The following KCNH1 variants were observed in gnomAD, a reference collection of about 807,000 sequenced individuals.
KCNH1 encodes voltage-gated delayed rectifier potassium channel KCNH1.
In KCNH1, 27 loss-of-function variants were observed where a neutral mutation model predicts 69.2. That is an observed-to-expected ratio of 0.39 (90% confidence interval 0.29 to 0.54). The LOEUF is 0.54. Ranked by LOEUF, KCNH1 falls within the 20% of genes least tolerant of loss-of-function variation. The pLI is 0.68. For synonymous variants in KCNH1, 456 were observed against 487.7 expected (o/e 0.93, Z 0.86); for missense variants, 798 against 1,261.6 (o/e 0.63, Z 5.57).
rs1255607276 is a variant in KCNH1, at chr1:210,679,387, A to T, written c.*3894T>A. On this transcript the variant is annotated 3_prime_UTR_variant, in exon 11 of 11. Transcript: ENST00000271751. ...AAGGGTCTTAAGGCTAAACGTCTTT[A>T]TTGCAAGACATAGTAAAACCTATTA... is the stretch of plus-strand genomic sequence containing the variant. The T allele has an allele frequency of 6.6e-6, 1 of 152,216 alleles. No homozygotes were observed. Among genetic ancestry groups the T allele is most frequent in the Non-Finnish European group, 1.5e-5 (1 of 68,040 alleles). 9.4% of individuals were successfully genotyped at this position (152,216 alleles called of 1,614,324 possible).
chr1:210,864,351 C>A (rs1250110629), intron 7 of KCNH1, among the ~76,000 whole-genome samples: 1 of 152,196 alleles, frequency 6.6e-6, no homozygotes, highest in Non-Finnish European at 1.5e-5. Flanking sequence ...GTCCACTATG[C>A]AGCTCCAGGT....
At chr1:211,059,384 C>G (rs1331332634) in intron 5 of KCNH1, among the ~76,000 whole-genome samples, 4 of 151,724 alleles carry the variant, frequency 2.6e-5, no homozygotes, top group African/African-American at 9.7e-5. Context: ...ATTGTAAATA[C>G]ATATGCACCC....
chr1:210,815,887 C>T (rs1472911090), intron 7 of KCNH1, among the ~76,000 whole-genome samples: 2 of 152,230 alleles, frequency 1.3e-5, no homozygotes, highest in African/African-American at 4.8e-5. Flanking sequence ...ACAGATCCCA[C>T]ACCCTTGCTC....
chr1:211,123,552 CAG>C (rs756223489), intron 1 of KCNH1, among the ~76,000 whole-genome samples: 38 of 152,092 alleles, frequency 2.5e-4, no homozygotes, highest in Non-Finnish European at 5.0e-4. Context: ...ACAGCAAAAA[CAG>C]AGACAGTGAT....
intron 10 of KCNH1, among the ~76,000 whole-genome samples, chr1:210,733,001 G>A (rs943862026): frequency 3.9e-5 from 6 of 152,184 alleles, no homozygotes; most frequent in Admixed American, 2.0e-4. Context: ...GCAGCTCTCC[G>A]AGGTGAGTCT....
At chr1:210,722,055 AG>A (rs1682481185) in intron 10 of KCNH1, among the ~76,000 whole-genome samples, 1 of 152,198 alleles carries the variant, frequency 6.6e-6, no homozygotes, top group South Asian at 2.1e-4. Context: ...AGTGGGTTCC[AG>A]CCCCATACTG....
intron 6 of KCNH1, among the ~76,000 whole-genome samples, chr1:210,950,292 A>G (rs1210039003): frequency 6.7e-6 from 1 of 149,648 alleles, no homozygotes; most frequent in Non-Finnish European, 1.5e-5. Flanking sequence ...ATATGTATAC[A>G]TGTGCCATGC....
chr1:211,080,427 C>T (rs1368685910), intron 5 of KCNH1, among the ~76,000 whole-genome samples: 2 of 152,218 alleles, frequency 1.3e-5, no homozygotes, highest in African/African-American at 4.8e-5. Context: ...CCATCCCCAT[C>T]AAGCTACCAA....
At chr1:210,867,276 T>C (rs1252621718) in intron 7 of KCNH1, among the ~76,000 whole-genome samples, 3 of 151,682 alleles carry the variant, frequency 2.0e-5, no homozygotes, top group Non-Finnish European at 2.9e-5. Flanking sequence ...AGGTGAGTTT[T>C]ATTTCAATAT....
At chr1:210,839,344 G>C (rs1255990750) in intron 7 of KCNH1, among the ~76,000 whole-genome samples, 1 of 152,164 alleles carries the variant, frequency 6.6e-6, no homozygotes, top group African/African-American at 2.4e-5. Flanking sequence ...TCACTTATAA[G>C]TGGGAGTGAA....
chr1:210,875,200 C>T (rs1000524931), intron 7 of KCNH1, among the ~76,000 whole-genome samples: 3 of 152,032 alleles, frequency 2.0e-5, no homozygotes, highest in African/African-American at 4.8e-5. Flanking sequence ...TGCTTTAATC[C>T]GGAAAGAATA....
At chr1:211,000,453 C>A (rs559592999) in intron 6 of KCNH1, among the ~76,000 whole-genome samples, 169 of 152,090 alleles carry the variant, frequency 1.1e-3, no homozygotes, top group African/African-American at 3.9e-3. Context: ...TCCAACTTAC[C>A]AGGGATGTGA....
At chr1:210,799,572 T>C (rs974961193) in intron 8 of KCNH1, among the ~76,000 whole-genome samples, 2 of 152,144 alleles carry the variant, frequency 1.3e-5, no homozygotes, top group Non-Finnish European at 2.9e-5. Flanking sequence ...GCCCCCTACA[T>C]AGCAAGCATT....
chr1:210,829,901 T>C (rs1181095082), intron 7 of KCNH1, among the ~76,000 whole-genome samples: 2 of 152,142 alleles, frequency 1.3e-5, no homozygotes, highest in African/African-American at 4.8e-5. Flanking sequence ...CCTTAGAATG[T>C]GGGAAGAATT....
intron 7 of KCNH1, among the ~76,000 whole-genome samples, chr1:210,869,164 AT>A (rs1230254986): frequency 6.6e-6 from 1 of 151,832 alleles, no homozygotes; most frequent in Non-Finnish European, 1.5e-5. Context: ...TCTGTATGTA[AT>A]TTTTTTGTCA....
chr1:211,113,633 AC>A (rs1183592796), intron 1 of KCNH1, among the ~76,000 whole-genome samples: 1 of 152,186 alleles, frequency 6.6e-6, no homozygotes, highest in African/African-American at 2.4e-5. Flanking sequence ...GAGGAAGAAT[AC>A]CACACTGGGT....
chr1:211,039,959 G>A (rs1291851683), intron 5 of KCNH1, among the ~76,000 whole-genome samples: 1 of 152,154 alleles, frequency 6.6e-6, no homozygotes, highest in Non-Finnish European at 1.5e-5. Flanking sequence ...GGAGGCTGAG[G>A]CAGGTGGATC....
At chr1:211,050,608 T>C (rs960566241) in intron 5 of KCNH1, among the ~76,000 whole-genome samples, 1 of 152,224 alleles carries the variant, frequency 6.6e-6, no homozygotes, top group African/African-American at 2.4e-5. Flanking sequence ...GGTTTCTTCC[T>C]ATTTTGTTGA....
chr1:211,014,489 T>A (rs181047430), intron 6 of KCNH1, among the ~76,000 whole-genome samples: 6 of 152,272 alleles, frequency 3.9e-5, no homozygotes, highest in Non-Finnish European at 4.4e-5. Flanking sequence ...GCCAAAGGGA[T>A]CACTTGTGCA....
Sources: gnomAD v4.1 joint callset for allele counts (sites outside exome capture counted in the v4.1 genomes callset) on GRCh38, gnomAD v4.1.1 for gene constraint, MANE v1.5 for transcripts, NCBI Gene and HGNC (gene_info 2026-07-23, HGNC 2026-07-21) for gene names.